KCTD9: variants seen among roughly 807,000 people sequenced by gnomAD.
KCTD9 encodes potassium channel tetramerization domain containing 9.
In KCTD9, 17 loss-of-function variants were observed where a neutral mutation model predicts 53.3. The observed-to-expected ratio is 0.32, with a 90% confidence interval of 0.22 to 0.48. The LOEUF is 0.48. KCTD9 is among the 20% of genes least tolerant of loss of function. The pLI is 0.99. For missense variants in KCTD9, 179 were observed against 465.5 expected (o/e 0.38, Z 5.66); for synonymous variants, 128 against 162.7 (o/e 0.79, Z 1.62).
Position 25,429,278 on chromosome 8 carries a change from CATT to C in KCTD9, c.*576_*578del, listed in dbSNP as rs1801887994. The C allele has an allele frequency of 6.5e-6, 1 of 152,726 alleles. No individual in the cohort carries two copies. Among genetic ancestry groups the C allele is most frequent in the Non-Finnish European group, 1.5e-5 (1 of 68,160 alleles). 9.5% of individuals were successfully genotyped at this position (152,726 alleles called of 1,614,324 possible). A position where few individuals can be genotyped will look rare whatever the true frequency, so the allele number is the denominator to read the frequency against. ...CTACTGTTCTGTCCTAAAAAGTAAA[CATT>C]ATAAAAATGAACCTGAAAAGAGTCT... On this transcript the variant is annotated 3_prime_UTR_variant, in exon 12 of 12. Coordinates refer to ENST00000221200, the MANE Select transcript of KCTD9 (RefSeq NM_017634.4).
intron 2 of KCTD9, among the ~76,000 whole-genome samples, chr8:25,444,648 T>C (rs1407250227): frequency 2.0e-5 from 3 of 152,214 alleles, no homozygotes. Flanking sequence ...AAAGGATAGA[T>C]TAAAGTCACA....
chr8:25,450,128 C>T (rs1269284600), intron 1 of KCTD9, among the ~76,000 whole-genome samples: 1 of 152,220 alleles, frequency 6.6e-6, no homozygotes, highest in Non-Finnish European at 1.5e-5. Flanking sequence ...TTGAATTCAA[C>T]TTTTATTGCC....
chr8:25,443,441 A>C (rs1195696110), intron 3 of KCTD9, among the ~76,000 whole-genome samples: 1 of 151,220 alleles, frequency 6.6e-6, no homozygotes, highest in African/African-American at 2.4e-5. Context: ...AAATATACCA[A>C]ATATTTTTAA....
At chr8:25,454,136 C>G (rs1725229638) in intron 1 of KCTD9, among the ~76,000 whole-genome samples, 1 of 152,224 alleles carries the variant, frequency 6.6e-6, no homozygotes, top group Admixed American at 6.5e-5. Flanking sequence ...ATCCTCCCAT[C>G]TCAGCCTCTC....
At chr8:25,454,255 G>A (rs147642906) in intron 1 of KCTD9, among the ~76,000 whole-genome samples, 127 of 152,236 alleles carry the variant, frequency 8.3e-4, no homozygotes, top group African/African-American at 2.9e-3. Context: ...ATGAAAACAC[G>A]GTACAGAATG....
intron 1 of KCTD9, among the ~76,000 whole-genome samples, chr8:25,446,734 T>A (rs981843822): frequency 6.6e-6 from 1 of 152,234 alleles, no homozygotes; most frequent in Admixed American, 6.5e-5. Flanking sequence ...TTTATTTATT[T>A]GAATGGTTCA....
At chr8:25,450,458 T>G (rs1432843619) in intron 1 of KCTD9, 1 of 983,328 alleles carries the variant, frequency 1.0e-6, no homozygotes, top group African/African-American at 1.7e-5. Context: ...TGTGTGACAG[T>G]CATATTCATT....
At chr8:25,445,279 C>T (rs1802195462) in intron 2 of KCTD9, among the ~76,000 whole-genome samples, 1 of 152,084 alleles carries the variant, frequency 6.6e-6, no homozygotes, top group African/African-American at 2.4e-5. Flanking sequence ...TGAGTGAGTC[C>T]TCAGCTTCAC....
In KCTD9 at chr8:25,440,348, G is replaced by A. The variant is rs374625061; in HGVS notation, c.311+229C>T. Among the ~76,000 whole-genome samples the A allele has an allele frequency of 3.8e-4, 58 of 152,186 alleles. 2 individuals carry two copies. The East Asian group carries it at 9.1e-3, about 24-fold the overall frequency. ...GCTGGGATTACAGGCGTGAGCCACC[G>A]CGCCCAGCCAAAAGCATGTTCTAAA... On this transcript the variant is annotated intron_variant, in intron 4 of 11. Coordinates refer to ENST00000221200, the MANE Select transcript of KCTD9 (RefSeq NM_017634.4).
chr8:25,449,608 G>C (rs1056763878), intron 1 of KCTD9, among the ~76,000 whole-genome samples: 8 of 152,142 alleles, frequency 5.3e-5, no homozygotes, highest in African/African-American at 1.9e-4. Context: ...CACCTGCCAT[G>C]TTTTAAAGCT....
At chr8:25,445,558 T>A (rs1174846359) in intron 2 of KCTD9, among the ~76,000 whole-genome samples, 1 of 152,164 alleles carries the variant, frequency 6.6e-6, no homozygotes, top group East Asian at 1.9e-4. Flanking sequence ...TTGTTAAGCA[T>A]CTTCCTGCTC....
intron 1 of KCTD9, among the ~76,000 whole-genome samples, chr8:25,455,181 C>T (rs374137868): frequency 3.3e-5 from 5 of 151,840 alleles, no homozygotes; most frequent in African/African-American, 1.2e-4. Flanking sequence ...GCTGAGATCA[C>T]GCCACTTCAC....
Position 25,446,167 on chromosome 8 carries a change from A to G in KCTD9, c.132T>C (p.Asn44=). The G allele has an allele frequency of 6.2e-7, 1 of 1,614,016 alleles. No individual in the cohort carries two copies. The highest frequency in any genetic ancestry group is 2.2e-5 in the East Asian group (1 of 44,864). Reference sequence around the variant, plus strand: ...TATCATCAATCAGTCCACCTTTCCCATTATACACACTGGTGGCTTTTATGC... The same window carrying G: ...TATCATCAATCAGTCCACCTTTCCCGTTATACACACTGGTGGCTTTTATGC... The part of the protein sequence containing the change: ...KLGIKATSVY[N]GKGGLIDDIA... Residue 44 remains asparagine (N), a synonymous_variant, in exon 2 of 12, where the codon AAT becomes AAC. Transcript: ENST00000221200.
chr8:25,439,436 C>A, intron 5 of KCTD9, 29 bp from the exon 6 acceptor site: 2 of 1,577,606 alleles, frequency 1.3e-6, no homozygotes, highest in Middle Eastern at 1.7e-4. Context: ...AAAGAAAGTC[C>A]CCCATAAACA....
chr8:25,438,715 A>C (rs1802064980), intron 6 of KCTD9, among the ~76,000 whole-genome samples: 1 of 152,264 alleles, frequency 6.6e-6, no homozygotes, highest in Non-Finnish European at 1.5e-5. Flanking sequence ...ACCTCCGTGA[A>C]TCTTCACAAA....
intron 1 of KCTD9, 115 bp downstream of exon 1, chr8:25,458,084 C>A: frequency 2.8e-6 from 3 of 1,062,798 alleles, no homozygotes; most frequent in Non-Finnish European, 4.1e-6. Context: ...CCAGCCCGCG[C>A]ACGCCCACCT....
intron 2 of KCTD9, 25 bp from the exon 3 acceptor site, chr8:25,444,360 C>G: frequency 1.9e-6 from 3 of 1,598,952 alleles, no homozygotes; most frequent in Non-Finnish European, 2.6e-6. Context: ...ATTTAAAAAG[C>G]TACCATCAAA....
At chr8:25,435,305 G>A in intron 9 of KCTD9, 58 bp downstream of exon 9, 1 of 1,236,730 alleles carries the variant, frequency 8.1e-7, no homozygotes, top group South Asian at 2.0e-5. Flanking sequence ...AAGGCTCTTT[G>A]AGACTGTTCA....
At chr8:25,454,106 T>C (rs954674777) in intron 1 of KCTD9, among the ~76,000 whole-genome samples, 1 of 152,182 alleles carries the variant, frequency 6.6e-6, no homozygotes, top group Non-Finnish European at 1.5e-5. Flanking sequence ...AGGCTGGTCT[T>C]GAACTCCTGA....
Sources: allele counts gnomAD v4.1 joint callset (sites outside exome capture counted in the v4.1 genomes callset), GRCh38; gene constraint gnomAD v4.1.1; transcripts MANE v1.5; gene names NCBI Gene and HGNC (gene_info 2026-07-23, HGNC 2026-07-21).